Variants in MEIS1 observed in about 807,000 individuals in gnomAD.
MEIS1 encodes the protein homeobox protein Meis1.
Under a neutral mutation model 50.8 loss-of-function variants are expected in MEIS1, and 5 were observed. The observed-to-expected ratio is 0.10, with a 90% CI of 0.05 to 0.21. The LOEUF is 0.21. Among genes scored for constraint, MEIS1 ranks in the 10% least tolerant of loss-of-function variants. MEIS1 has a pLI of 1.00. For synonymous variants in MEIS1, 176 were observed against 179.3 expected (o/e 0.98, Z 0.15); for missense variants, 318 against 517.3 (o/e 0.61, Z 3.74).
chr2:66,515,790 A>G (rs2103860530), intron 8 of MEIS1, among the ~76,000 whole-genome samples: 1 of 152,316 alleles, frequency 6.6e-6, no homozygotes, highest in Middle Eastern at 3.4e-3. Flanking sequence ...ATAAGAGAGA[A>G]TTAGAAAGAA....
chr2:66,464,412 A>G (rs978301246), intron 7 of MEIS1, among the ~76,000 whole-genome samples, 192 bp downstream of exon 7: 1 of 152,164 alleles, frequency 6.6e-6, no homozygotes, highest in African/African-American at 2.4e-5. Context: ...ACTGTCTGTC[A>G]CCTGGCCAGC....
chr2:66,528,742 T>A (rs1330884583), intron 8 of MEIS1, among the ~76,000 whole-genome samples: 1 of 152,220 alleles, frequency 6.6e-6, no homozygotes, highest in East Asian at 1.9e-4. Flanking sequence ...TCCCTTATTT[T>A]GACACAGTTT....
intron 6 of MEIS1, among the ~76,000 whole-genome samples, chr2:66,459,987 G>A (rs999070003): frequency 3.9e-5 from 6 of 152,142 alleles, no homozygotes; most frequent in Admixed American, 6.5e-5. Flanking sequence ...CTGTGGAGGA[G>A]GGAATTATCC....
At chr2:66,473,861 C>T (rs965546485) in intron 7 of MEIS1, among the ~76,000 whole-genome samples, 3 of 152,068 alleles carry the variant, frequency 2.0e-5, no homozygotes, top group Non-Finnish European at 2.9e-5. Flanking sequence ...GACCCTCTCC[C>T]CTCAACCCCG....
intron 7 of MEIS1, among the ~76,000 whole-genome samples, chr2:66,504,487 C>T (rs1475280025): frequency 3.3e-5 from 5 of 152,064 alleles, no homozygotes; most frequent in Admixed American, 2.0e-4. Context: ...CCACCCGCCT[C>T]GGTCTCCCAA....
intron 6 of MEIS1, among the ~76,000 whole-genome samples, chr2:66,462,770 A>T (rs536274681): frequency 6.6e-6 from 1 of 152,350 alleles, no homozygotes; most frequent in South Asian, 2.1e-4. Context: ...GAATCAGCAG[A>T]TCAATTAGCA....
chr2:66,449,338 T>A (rs1262373503), intron 6 of MEIS1, among the ~76,000 whole-genome samples: 5 of 152,128 alleles, frequency 3.3e-5, no homozygotes, highest in Non-Finnish European at 5.9e-5. Context: ...AAAATTTGAT[T>A]TTTGGCATCC....
At chr2:66,534,393 TC>T (rs1234997365) in intron 8 of MEIS1, among the ~76,000 whole-genome samples, 2 of 152,016 alleles carry the variant, frequency 1.3e-5, no homozygotes, top group Non-Finnish European at 2.9e-5. Flanking sequence ...AATTAGCTCG[TC>T]ATGGTGGAGC....
chr2:66,533,382 C>T (rs760751399), intron 8 of MEIS1, among the ~76,000 whole-genome samples: 3 of 152,114 alleles, frequency 2.0e-5, no homozygotes, highest in African/African-American at 4.8e-5. Flanking sequence ...AGTCAGTCCC[C>T]GAGGGTGACT....
At chr2:66,441,580 T>C (rs1327977125) in intron 5 of MEIS1, 116 bp downstream of exon 5, 2 of 831,662 alleles carry the variant, frequency 2.4e-6, no homozygotes, top group Non-Finnish European at 3.6e-6. Context: ...ATGTCTTTCT[T>C]TCTGGTAATT....
At chr2:66,543,734 T>C (rs573903649) in intron 8 of MEIS1, among the ~76,000 whole-genome samples, 8 of 152,372 alleles carry the variant, frequency 5.3e-5, no homozygotes, top group African/African-American at 1.9e-4. Context: ...TTGTTTGCTC[T>C]CTTAATGTGT....
intron 8 of MEIS1, among the ~76,000 whole-genome samples, chr2:66,539,488 G>A (rs767714485): frequency 5.3e-5 from 8 of 152,060 alleles, no homozygotes; most frequent in South Asian, 4.1e-4. Context: ...GAATTTTCCC[G>A]ACTTGTATGT....
intron 8 of MEIS1, among the ~76,000 whole-genome samples, chr2:66,532,618 G>GA (rs147120644): frequency 3.0e-3 from 431 of 145,700 alleles, no homozygotes; most frequent in Non-Finnish European, 4.4e-3. Flanking sequence ...TTGATGCCAT[G>GA]AAAAAAAAAA....
At chr2:66,533,739 G>A (rs530382668) in intron 8 of MEIS1, among the ~76,000 whole-genome samples, 2 of 152,156 alleles carry the variant, frequency 1.3e-5, no homozygotes, top group African/African-American at 2.4e-5. Flanking sequence ...ATTCAAGATC[G>A]TGACAGCAGC....
Position 66,452,838 on chromosome 2 carries a change from A to G in MEIS1, c.630+9790A>G, listed in dbSNP as rs549353086. Among the ~76,000 whole-genome samples the G allele has an allele frequency of 5.3e-5, 8 of 152,100 alleles. No homozygotes were observed. The East Asian group carries it at 1.4e-3, about 26-fold the overall frequency. ...GTTTTTAAAAGCTGTGTTTAATAACAAAATAAGCAAGAAAAACATCTGAGT... is the reference window on the plus strand; with the variant it reads ...GTTTTTAAAAGCTGTGTTTAATAACGAAATAAGCAAGAAAAACATCTGAGT... On this transcript the variant is annotated intron_variant, in intron 6 of 12. Coordinates refer to ENST00000272369, the MANE Select transcript of MEIS1 (RefSeq NM_002398.3).
chr2:66,537,213 A>G (rs559082555), intron 8 of MEIS1, among the ~76,000 whole-genome samples: 7 of 152,296 alleles, frequency 4.6e-5, no homozygotes, highest in African/African-American at 1.4e-4. Flanking sequence ...TCTTTACTCA[A>G]ATAGGCAGTA....
At chr2:66,503,567 A>G (rs1673608762) in intron 7 of MEIS1, among the ~76,000 whole-genome samples, 1 of 152,040 alleles carries the variant, frequency 6.6e-6, no homozygotes, top group Non-Finnish European at 1.5e-5. Context: ...ATTTTGTTTA[A>G]CTTTAGTGCC....
chr2:66,538,606 C>T (rs1674574889), intron 8 of MEIS1, among the ~76,000 whole-genome samples: 1 of 152,146 alleles, frequency 6.6e-6, no homozygotes, highest in Admixed American at 6.5e-5. Context: ...CATTCATTCA[C>T]AGAAATATTT....
chr2:66,492,680 G>A (rs1156242095), intron 7 of MEIS1, among the ~76,000 whole-genome samples: 3 of 152,206 alleles, frequency 2.0e-5, no homozygotes, highest in Admixed American at 2.0e-4. Flanking sequence ...AGGCCCCTGA[G>A]AAGTCCTTGG....
Sources: allele counts gnomAD v4.1 joint callset (sites outside exome capture counted in the v4.1 genomes callset), GRCh38; gene constraint gnomAD v4.1.1; transcripts MANE v1.5; gene names NCBI Gene and HGNC (gene_info 2026-07-23, HGNC 2026-07-21).